The following PTPN4 variants were observed in gnomAD, a reference collection of about 807,000 sequenced individuals.
PTPN4 encodes protein tyrosine phosphatase non-receptor type 4, also known as tyrosine-protein phosphatase non-receptor type 4.
In PTPN4, 49 loss-of-function variants were observed where a neutral mutation model predicts 135.5. The ratio of observed to expected loss-of-function variants is 0.36; its 90% CI spans 0.29 to 0.46. The LOEUF (loss-of-function observed/expected upper bound fraction) is 0.46. PTPN4 is among the 20% of genes least tolerant of loss of function. PTPN4 has a pLI of 1.00. For synonymous variants in PTPN4, 333 were observed against 369.9 expected (o/e 0.90, Z 1.14); for missense variants, 860 against 1,101.0 (o/e 0.78, Z 3.10).
At chr2:119,875,538 A>C (rs926137388) in intron 3 of PTPN4, among the ~76,000 whole-genome samples, 2 of 152,176 alleles carry the variant, frequency 1.3e-5, no homozygotes, top group African/African-American at 4.8e-5. Flanking sequence ...AGATTAATAG[A>C]TAGATGGATG....
chr2:119,930,231 A>C (rs906206646), intron 13 of PTPN4, among the ~76,000 whole-genome samples: 14 of 152,130 alleles, frequency 9.2e-5, no homozygotes, highest in African/African-American at 3.4e-4. Flanking sequence ...ATGAAATCTG[A>C]GTCAATGTAT....
At chr2:119,860,234 T>C (rs1265215175) in intron 2 of PTPN4, among the ~76,000 whole-genome samples, 1 of 152,204 alleles carries the variant, frequency 6.6e-6, no homozygotes, top group Non-Finnish European at 1.5e-5. Flanking sequence ...ATAAAACATT[T>C]GCAGGCGATT....
chr2:119,933,848 G>A (rs536532158), intron 14 of PTPN4, among the ~76,000 whole-genome samples: 4 of 152,106 alleles, frequency 2.6e-5, no homozygotes, highest in Admixed American at 2.6e-4. Context: ...GCCAATTTCA[G>A]GTTGCTTTTA....
chr2:119,807,096 A>G (rs2104946185), intron 1 of PTPN4, among the ~76,000 whole-genome samples: 1 of 152,372 alleles, frequency 6.6e-6, no homozygotes, highest in Non-Finnish European at 1.5e-5. Flanking sequence ...AGGAAAATTT[A>G]TAGCACTAAA....
chr2:119,766,303 A>G (rs1436550754), intron 1 of PTPN4, among the ~76,000 whole-genome samples: 2 of 152,250 alleles, frequency 1.3e-5, no homozygotes, highest in Non-Finnish European at 2.9e-5. Context: ...CTTGGCATCC[A>G]CTATGGAATC....
At chr2:119,808,984 C>CT (rs1488397709) in intron 1 of PTPN4, among the ~76,000 whole-genome samples, 55 of 152,222 alleles carry the variant, frequency 3.6e-4, no homozygotes, top group African/African-American at 1.3e-3. Flanking sequence ...AAATACTAGT[C>CT]TTTCTTCTAG....
intron 15 of PTPN4, among the ~76,000 whole-genome samples, 195 bp from the exon 16 acceptor site, chr2:119,944,886 G>T (rs1224844462): frequency 6.6e-6 from 1 of 151,850 alleles, no homozygotes; most frequent in Non-Finnish European, 1.5e-5. Flanking sequence ...TTATATAATT[G>T]TTTATAAATT....
intron 1 of PTPN4, among the ~76,000 whole-genome samples, chr2:119,795,645 A>T (rs1691242545): frequency 6.6e-6 from 1 of 152,222 alleles, no homozygotes; most frequent in Non-Finnish European, 1.5e-5. Context: ...TGTGAGGGCA[A>T]GGGGGGGCCT....
chr2:119,782,367 C>T (rs1392718657), intron 1 of PTPN4, among the ~76,000 whole-genome samples: 4 of 151,876 alleles, frequency 2.6e-5, no homozygotes, highest in African/African-American at 4.8e-5. Flanking sequence ...TGCAACGAGC[C>T]GAGGTCATGC....
chr2:119,947,419 A>G (rs1679151167), intron 18 of PTPN4, among the ~76,000 whole-genome samples: 1 of 152,034 alleles, frequency 6.6e-6, no homozygotes, highest in African/African-American at 2.4e-5. Flanking sequence ...GTTTTTAAGG[A>G]CCTTGTTTTT....
At chr2:119,894,716 G>A (rs1391525294) in intron 9 of PTPN4, among the ~76,000 whole-genome samples, 1 of 152,010 alleles carries the variant, frequency 6.6e-6, no homozygotes, top group African/African-American at 2.4e-5. Flanking sequence ...TTTATAAAGA[G>A]TTCCCCAAAG....
chr2:119,890,417 T>C (rs1167275837), intron 9 of PTPN4, among the ~76,000 whole-genome samples: 2 of 152,150 alleles, frequency 1.3e-5, no homozygotes, highest in Non-Finnish European at 2.9e-5. Context: ...AATGAAAAAG[T>C]GAGTGTCTTT....
chr2:119,970,216 C>T (rs1185694424), intron 26 of PTPN4, among the ~76,000 whole-genome samples: 1 of 151,974 alleles, frequency 6.6e-6, no homozygotes, highest in Non-Finnish European at 1.5e-5. Context: ...CCCGCAACCA[C>T]GCCCAGCTAA....
At chr2:119,800,864 A>T (rs993838431) in intron 1 of PTPN4, among the ~76,000 whole-genome samples, 11 of 150,740 alleles carry the variant, frequency 7.3e-5, no homozygotes, top group Non-Finnish European at 7.4e-5. Flanking sequence ...GTTAAAAATC[A>T]GTTGGCTGTA....
chr2:119,924,996 T>TC (rs1458300089), intron 12 of PTPN4, among the ~76,000 whole-genome samples: 2 of 152,020 alleles, frequency 1.3e-5, no homozygotes, highest in African/African-American at 4.8e-5. Flanking sequence ...CATTCAGGAC[T>TC]CCCTGGGCTG....
chr2:119,902,547 T>C lies in PTPN4; in HGVS notation c.764+1741T>C, dbSNP rs377283082. On this transcript the variant is annotated intron_variant, in intron 10 of 26. Coordinates refer to ENST00000263708, the MANE Select transcript of PTPN4 (RefSeq NM_002830.4). ...TAGAGTCACGGAGGCACTTGTGTCTTCCACAAAGAAGGACCAGATCAGCAA... is the reference window on the plus strand; with the variant it reads ...TAGAGTCACGGAGGCACTTGTGTCTCCCACAAAGAAGGACCAGATCAGCAA... 1.1e-4 allele frequency among the ~76,000 whole-genome samples: 16 copies of C among 152,282 alleles called. No homozygotes were observed. The East Asian group carries it at 2.3e-3, about 22-fold the overall frequency.
chr2:119,939,758 A>G (rs1679035366), intron 15 of PTPN4, among the ~76,000 whole-genome samples: 1 of 152,096 alleles, frequency 6.6e-6, no homozygotes, highest in Non-Finnish European at 1.5e-5. Context: ...CCTCTCAGCT[A>G]CTGGCACTGA....
intron 1 of PTPN4, among the ~76,000 whole-genome samples, chr2:119,793,846 G>GTTT (rs55956611): frequency 1.2e-4 from 3 of 24,798 alleles, no homozygotes; most frequent in Non-Finnish European, 1.9e-4. Flanking sequence ...TTCATTTTTA[G>GTTT]TTTTTTTTTT....
intron 25 of PTPN4, among the ~76,000 whole-genome samples, chr2:119,967,217 G>A (rs914574235): frequency 6.6e-5 from 10 of 152,128 alleles, no homozygotes; most frequent in Admixed American, 3.3e-4. Context: ...AGGCTGAGGC[G>A]GGCAGATCAC....
Sources: allele counts gnomAD v4.1 joint callset (sites outside exome capture counted in the v4.1 genomes callset), GRCh38; gene constraint gnomAD v4.1.1; transcripts MANE v1.5; gene names NCBI Gene and HGNC (gene_info 2026-07-23, HGNC 2026-07-21).